PRORP: variants seen among roughly 807,000 people sequenced by gnomAD.
PRORP encodes the protein protein only RNase P catalytic subunit, also known as mitochondrial ribonuclease P catalytic subunit.
A neutral mutation model predicts 59.4 loss-of-function variants in PRORP; 51 were observed. That is an observed-to-expected ratio of 0.86 (90% confidence interval 0.69 to 1.08). PRORP has a LOEUF of 1.08. Ranked by LOEUF, PRORP falls within the 50% of genes least tolerant of loss-of-function variation. The probability of loss-of-function intolerance (pLI) is 0.00; values close to 1 mark genes in which losing one functional copy is unlikely to be tolerated. For synonymous variants in PRORP, 231 were observed against 245.6 expected (o/e 0.94, Z 0.55); for missense variants, 646 against 690.3 (o/e 0.94, Z 0.72).
chr14:35,155,542 C>T (rs947917393), intron 4 of PRORP, among the ~76,000 whole-genome samples: 8 of 130,366 alleles, frequency 6.1e-5, no homozygotes, highest in Admixed American at 1.8e-4. Flanking sequence ...GGCAACATAG[C>T]GAGACCTGGT....
chr14:35,240,837 C>T (rs1172529199), intron 5 of PRORP, among the ~76,000 whole-genome samples: 1 of 152,176 alleles, frequency 6.6e-6, no homozygotes, highest in African/African-American at 2.4e-5. Flanking sequence ...GTCTGTTGAG[C>T]ACTTGAAATG....
chr14:35,208,197 C>T (rs1202223190), intron 5 of PRORP, among the ~76,000 whole-genome samples: 1 of 151,982 alleles, frequency 6.6e-6, no homozygotes, highest in African/African-American at 2.4e-5. Flanking sequence ...TATCACTGGC[C>T]TTATCAGTAC....
At chr14:35,239,310 C>T (rs1356496162) in intron 5 of PRORP, among the ~76,000 whole-genome samples, 17 of 150,058 alleles carry the variant, frequency 1.1e-4, no homozygotes, top group African/African-American at 3.5e-4. Flanking sequence ...ATTGCAACAC[C>T]GCACTCCAGC....
At chr14:35,220,401 G>A (rs1353028771) in intron 5 of PRORP, among the ~76,000 whole-genome samples, 3 of 152,074 alleles carry the variant, frequency 2.0e-5, no homozygotes, top group South Asian at 4.2e-4. Context: ...CAGTTAATAG[G>A]GGTTAAGAAA....
chr14:35,226,976 T>C (rs1021944909), intron 5 of PRORP, among the ~76,000 whole-genome samples: 2 of 151,504 alleles, frequency 1.3e-5, no homozygotes, highest in African/African-American at 4.8e-5. Flanking sequence ...GCTCAAGCGA[T>C]CCACCCGCCT....
intron 4 of PRORP, among the ~76,000 whole-genome samples, chr14:35,134,724 A>G (rs904809361): frequency 3.9e-5 from 6 of 152,238 alleles, no homozygotes; most frequent in African/African-American, 1.4e-4. Flanking sequence ...GGGTCTGTTT[A>G]GGAGACTGTG....
chr14:35,236,027 C>T (rs2050201389), intron 5 of PRORP, among the ~76,000 whole-genome samples: 1 of 138,048 alleles, frequency 7.2e-6, no homozygotes, highest in Non-Finnish European at 1.5e-5. Context: ...GCCCAGGAGG[C>T]GGAGGTTGCA....
Position 35,265,630 on chromosome 14 carries a change from A to G in PRORP, c.1276-1097A>G, listed in dbSNP as rs189611336. Among the ~76,000 whole-genome samples, 399 of 152,324 alleles carry G rather than the reference A, an allele frequency of 2.6e-3. 2 individuals are homozygous for G. Among genetic ancestry groups the G allele is most frequent in the African/African-American group, 9.0e-3 (374 of 41,570 alleles). ...ATCTTTAGTAGAAAAGGGGATTTCAATGAAAGGAGGCAGTATTAGCAATAA... is the reference window on the plus strand; with the variant it reads ...ATCTTTAGTAGAAAAGGGGATTTCAGTGAAAGGAGGCAGTATTAGCAATAA... On this transcript the variant is annotated intron_variant, in intron 5 of 7. Transcript: ENST00000534898.
intron 4 of PRORP, among the ~76,000 whole-genome samples, chr14:35,139,088 G>A (rs1206126382): frequency 6.9e-6 from 1 of 145,446 alleles, no homozygotes; most frequent in Admixed American, 7.1e-5. Context: ...GCCATGCCCG[G>A]CCAAAGATAC....
At chr14:35,177,006 G>GT (rs1444904205) in intron 4 of PRORP, among the ~76,000 whole-genome samples, 1 of 152,168 alleles carries the variant, frequency 6.6e-6, no homozygotes, top group Non-Finnish European at 1.5e-5. Flanking sequence ...TAATAGTGTG[G>GT]TTTTTGTCTT....
intron 5 of PRORP, among the ~76,000 whole-genome samples, chr14:35,238,263 C>T (rs914248823): frequency 3.3e-5 from 5 of 152,082 alleles, no homozygotes; most frequent in African/African-American, 7.2e-5. Context: ...GGTCTTTTAC[C>T]GTGCCGCACT....
Position 35,123,252 on chromosome 14 carries a change from TTC to T in PRORP, c.9_10del (p.Phe3LeufsTer46). On this transcript the variant is annotated frameshift_variant, in exon 2 of 8. Transcript: ENST00000534898. LOFTEE classifies it high-confidence loss of function. MTFYLFGIRSFPK... is the reference protein window; with the variant it reads MTXYLFGIRSFPK... ...GTGCTGATCTCACTGCATAATGACTTTCTATTTGTTTGGTATTCGAAGCTTTC... is the reference window on the plus strand; with the variant it reads ...GTGCTGATCTCACTGCATAATGACTTTATTTGTTTGGTATTCGAAGCTTTC... 1 of 1,607,702 alleles carries T rather than the reference TTC, an allele frequency of 6.2e-7. No homozygotes were observed. Among genetic ancestry groups the T allele is most frequent in the Non-Finnish European group, 8.5e-7 (1 of 1,177,724 alleles).
intron 4 of PRORP, among the ~76,000 whole-genome samples, chr14:35,153,526 A>C (rs2047835616): frequency 6.6e-6 from 1 of 152,202 alleles, no homozygotes; most frequent in Non-Finnish European, 1.5e-5. Flanking sequence ...CAGAATTAAG[A>C]TTTGAATGCA....
chr14:35,173,923 G>C (rs2048380543), intron 4 of PRORP, among the ~76,000 whole-genome samples: 1 of 151,962 alleles, frequency 6.6e-6, no homozygotes, highest in South Asian at 2.1e-4. Flanking sequence ...GATGCTAGCT[G>C]GCTGTTGGCT....
intron 5 of PRORP, among the ~76,000 whole-genome samples, chr14:35,229,453 C>G (rs2050017053): frequency 6.6e-6 from 1 of 152,126 alleles, no homozygotes; most frequent in Non-Finnish European, 1.5e-5. Context: ...TTTAATCCAT[C>G]TTGACTTAAT....
intron 5 of PRORP, among the ~76,000 whole-genome samples, chr14:35,206,968 T>G (rs2049309738): frequency 2.0e-5 from 3 of 152,238 alleles, no homozygotes; most frequent in Admixed American, 2.0e-4. Context: ...GTTGAAATCT[T>G]AACAAATGAA....
chr14:35,225,934 G>C (rs946571493), intron 5 of PRORP, among the ~76,000 whole-genome samples: 1 of 152,082 alleles, frequency 6.6e-6, no homozygotes, highest in Non-Finnish European at 1.5e-5. Flanking sequence ...AAGAAGCATA[G>C]CTCCTAAATC....
rs552775789 is a variant in PRORP at position 35,162,126 on chromosome 14, A to G, written c.1168-18544A>G. Among the ~76,000 whole-genome samples, 4 of 152,194 alleles carry G rather than the reference A, an allele frequency of 2.6e-5. No homozygotes were observed. The East Asian group carries it at 7.7e-4, about 29-fold the overall frequency. ...AATTTAATTATTCATTGAGTCTCCT[A>G]TTAACGAGTATTTAACTTGTTTCAA... On this transcript the variant is annotated intron_variant, in intron 4 of 7. Transcript: ENST00000534898.
At chr14:35,162,563 G>C (rs929120814) in intron 4 of PRORP, among the ~76,000 whole-genome samples, 2 of 151,676 alleles carry the variant, frequency 1.3e-5, no homozygotes, top group African/African-American at 4.8e-5. Context: ...AATTTTAGGA[G>C]CTCTTTATTT....
Sources: gnomAD v4.1 joint callset for allele counts (sites outside exome capture counted in the v4.1 genomes callset) on GRCh38, gnomAD v4.1.1 for gene constraint, MANE v1.5 for transcripts, NCBI Gene and HGNC (gene_info 2026-07-23, HGNC 2026-07-21) for gene names.